Variants in FAF1 observed in about 807,000 individuals in gnomAD.
The protein encoded by FAF1 is Fas associated factor 1.
A neutral mutation model predicts 92.5 loss-of-function variants in FAF1; 25 were observed. That is an observed-to-expected ratio of 0.27 (90% CI 0.20 to 0.38). The LOEUF (loss-of-function observed/expected upper bound fraction) is 0.38, where lower values mean the gene tolerates loss of function less well. Ranked by LOEUF, FAF1 falls within the 10% of genes least tolerant of loss-of-function variation. The probability of loss-of-function intolerance (pLI) is 1.00; values close to 1 mark genes in which losing one functional copy is unlikely to be tolerated. For missense variants in FAF1, 636 were observed against 793.3 expected, an observed-to-expected ratio of 0.80 and a Z score of 2.38; for synonymous variants, 234 against 273.2, an observed-to-expected ratio of 0.86 and a Z score of 1.42.
At chr1:50,523,021 T>G (rs1482064046) in intron 15 of FAF1, among the ~76,000 whole-genome samples, 1 of 152,178 alleles carries the variant, frequency 6.6e-6, no homozygotes, top group Admixed American at 6.5e-5. Context: ...GAATCATACA[T>G]TTGTCCTTCT....
chr1:50,618,976 C>T (rs1322932907), intron 8 of FAF1, among the ~76,000 whole-genome samples: 3 of 152,018 alleles, frequency 2.0e-5, no homozygotes, highest in South Asian at 2.1e-4. Flanking sequence ...AGGCTGGTCT[C>T]GAACTCCTGA....
intron 12 of FAF1, among the ~76,000 whole-genome samples, chr1:50,574,209 T>C (rs145897491): frequency 3.3e-5 from 5 of 152,360 alleles, no homozygotes; most frequent in Middle Eastern, 3.4e-3. Context: ...TCAGTTTTCA[T>C]TGCTTAGACT....
intron 15 of FAF1, among the ~76,000 whole-genome samples, chr1:50,509,595 G>A (rs1039536523): frequency 3.3e-5 from 5 of 152,208 alleles, no homozygotes; most frequent in Admixed American, 6.5e-5. Context: ...TTGGGCAATG[G>A]AGTGAGAATG....
intron 7 of FAF1, among the ~76,000 whole-genome samples, chr1:50,677,113 T>G (rs955223485): frequency 1.3e-5 from 2 of 152,200 alleles, no homozygotes; most frequent in Admixed American, 1.3e-4. Context: ...AGAATAATAT[T>G]ATTAAGATAA....
chr1:50,446,442 T>G (rs1368673827), intron 18 of FAF1, among the ~76,000 whole-genome samples: 1 of 152,230 alleles, frequency 6.6e-6, no homozygotes, highest in Admixed American at 6.5e-5. Context: ...TTGGATGTTC[T>G]GATTTGGGAT....
At chr1:50,840,999 A>G (rs1644251149) in intron 2 of FAF1, among the ~76,000 whole-genome samples, 1 of 152,084 alleles carries the variant, frequency 6.6e-6, no homozygotes, top group Admixed American at 6.5e-5. Context: ...ATCAGGACCC[A>G]GCCACTTCAC....
At chr1:50,736,555 G>T (rs1363751430) in intron 6 of FAF1, among the ~76,000 whole-genome samples, 5 of 152,176 alleles carry the variant, frequency 3.3e-5, no homozygotes, top group African/African-American at 9.7e-5. Flanking sequence ...TTTGAGACCA[G>T]CCTGTCCAAC....
intron 7 of FAF1, among the ~76,000 whole-genome samples, chr1:50,681,826 T>G (rs1025933094): frequency 2.7e-5 from 4 of 149,846 alleles, no homozygotes; most frequent in Non-Finnish European, 4.5e-5. Context: ...GCCTCTTTTG[T>G]TTTTTTTGGT....
At chr1:50,686,794 T>C (rs1220904079) in intron 7 of FAF1, among the ~76,000 whole-genome samples, 1 of 152,138 alleles carries the variant, frequency 6.6e-6, no homozygotes, top group Non-Finnish European at 1.5e-5. Context: ...TTCTTTAAAC[T>C]CTTGGAAAAC....
At chr1:50,658,825 A>T (rs895565653) in intron 7 of FAF1, among the ~76,000 whole-genome samples, 1 of 152,248 alleles carries the variant, frequency 6.6e-6, no homozygotes, top group Non-Finnish European at 1.5e-5. Flanking sequence ...AACTAAAAGA[A>T]TCTTATGTTG....
At chr1:50,709,905 T>C (rs1657846884) in intron 6 of FAF1, among the ~76,000 whole-genome samples, 1 of 151,974 alleles carries the variant, frequency 6.6e-6, no homozygotes, top group African/African-American at 2.4e-5. Flanking sequence ...AAATGGACAA[T>C]AATTTGATAA....
At position 50,669,860 on chromosome 1, in the gene FAF1, G is replaced by A. The variant is rs539310290; in HGVS notation, c.658-14332C>T. 2.6e-5 allele frequency among the ~76,000 whole-genome samples: 4 copies of A among 152,270 alleles called. No homozygotes were observed. In the South Asian group the frequency reaches 6.2e-4, roughly 24 times the overall value. Reference sequence around the variant, plus strand: ...CTTTAGGCTGGGCGCAGTGGCTCACGCCTGTAATCCCAGCACTTTGGGAGG... The same window carrying A: ...CTTTAGGCTGGGCGCAGTGGCTCACACCTGTAATCCCAGCACTTTGGGAGG... On this transcript the variant is annotated intron_variant, in intron 7 of 18. Transcript: ENST00000396153.
At chr1:50,615,703 A>C (rs928534285) in intron 8 of FAF1, among the ~76,000 whole-genome samples, 1 of 151,898 alleles carries the variant, frequency 6.6e-6, no homozygotes, top group African/African-American at 2.4e-5. Flanking sequence ...CCATTTTTTA[A>C]TGGGCTTGTT....
chr1:50,472,280 C>T (rs3789575), intron 18 of FAF1, among the ~76,000 whole-genome samples: 3,699 of 151,858 alleles, frequency 0.024, 49 homozygotes, highest in Non-Finnish European at 0.037. Flanking sequence ...GATGTACATA[C>T]GGCTCTAACA....
intron 2 of FAF1, among the ~76,000 whole-genome samples, chr1:50,819,796 TATATAC>T (rs1161719036): frequency 1.8e-5 from 2 of 113,062 alleles, no homozygotes; most frequent in Non-Finnish European, 3.7e-5. Flanking sequence ...TACATATATA[TATATAC>T]ATATATATAT....
At chr1:50,529,419 TA>T (rs1297440384) in intron 15 of FAF1, among the ~76,000 whole-genome samples, 1 of 152,248 alleles carries the variant, frequency 6.6e-6, no homozygotes, top group Non-Finnish European at 1.5e-5. Context: ...AACAGTCTAA[TA>T]AATTGTAACA....
At chr1:50,523,119 T>C (rs1647592015) in intron 15 of FAF1, among the ~76,000 whole-genome samples, 1 of 152,226 alleles carries the variant, frequency 6.6e-6, no homozygotes, top group Non-Finnish European at 1.5e-5. Flanking sequence ...TAAGGCTAAA[T>C]AATATTCCAT....
intron 4 of FAF1, among the ~76,000 whole-genome samples, 185 bp downstream of exon 4, chr1:50,787,815 A>C (rs924638361): frequency 6.6e-6 from 1 of 152,202 alleles, no homozygotes; most frequent in Non-Finnish European, 1.5e-5. Context: ...ATTATTCTCA[A>C]ACTTACCTCA....
At chr1:50,575,622 T>A (rs945834565) in intron 12 of FAF1, among the ~76,000 whole-genome samples, 1 of 152,122 alleles carries the variant, frequency 6.6e-6, no homozygotes, top group Admixed American at 6.5e-5. Flanking sequence ...AAAAAAAAAA[T>A]TAGCATTCTA....
Sources: allele counts gnomAD v4.1 joint callset (sites outside exome capture counted in the v4.1 genomes callset), GRCh38; gene constraint gnomAD v4.1.1; transcripts MANE v1.5; gene names NCBI Gene and HGNC (gene_info 2026-07-23, HGNC 2026-07-21).